The following WLS variants were observed in gnomAD, a reference collection of about 807,000 sequenced individuals.
The protein encoded by WLS is Wnt ligand secretion mediator, also known as protein wntless homolog.
In WLS, 23 loss-of-function variants were observed where a neutral mutation model predicts 62.8. The ratio of observed to expected loss-of-function variants is 0.37; its 90% CI spans 0.26 to 0.52. The LOEUF is 0.52. Among genes scored for constraint, WLS ranks in the 20% least tolerant of loss-of-function variants. The pLI, the probability that WLS is intolerant of heterozygous loss-of-function variation, is 0.92. For synonymous variants in WLS, 246 were observed against 244.1 expected (o/e 1.01, Z -0.07); for missense variants, 615 against 697.3 (o/e 0.88, Z 1.33).
chr1:68,131,775 GTAAT>G (rs1384874683), intron 11 of WLS, among the ~76,000 whole-genome samples: 4 of 152,156 alleles, frequency 2.6e-5, no homozygotes, highest in Non-Finnish European at 5.9e-5. Flanking sequence ...TCTTAAAGAA[GTAAT>G]TAAGTTAACA....
chr1:68,204,907 C>T (rs1422731375), intron 1 of WLS, among the ~76,000 whole-genome samples: 1 of 152,186 alleles, frequency 6.6e-6, no homozygotes, highest in Non-Finnish European at 1.5e-5. Flanking sequence ...AGGGGAAGGA[C>T]TACATCTTAT....
chr1:68,159,097 T>G (rs1226230220), intron 3 of WLS, 26 bp downstream of exon 3: 1 of 1,610,830 alleles, frequency 6.2e-7, no homozygotes, highest in South Asian at 1.1e-5. Flanking sequence ...ATAAAAACTG[T>G]CAGCTTAGAC....
chr1:68,193,596 C>G (rs1461708942), intron 2 of WLS, among the ~76,000 whole-genome samples: 1 of 152,000 alleles, frequency 6.6e-6, no homozygotes, highest in South Asian at 2.1e-4. Flanking sequence ...ACCCTCAAGT[C>G]ACTCCATTGG....
chr1:68,209,158 G>T (rs1348946017), intron 1 of WLS, among the ~76,000 whole-genome samples: 1 of 152,288 alleles, frequency 6.6e-6, no homozygotes, highest in South Asian at 2.1e-4. Flanking sequence ...GGGTGTGGGT[G>T]GGGGAAGTCT....
intron 1 of WLS, among the ~76,000 whole-genome samples, chr1:68,210,912 GA>G (rs1344861122): frequency 6.6e-6 from 1 of 151,998 alleles, no homozygotes; most frequent in South Asian, 2.1e-4. Flanking sequence ...AAAACAAACA[GA>G]AAAAAACCCA....
At chr1:68,165,077 C>T (rs1046228662) in intron 2 of WLS, among the ~76,000 whole-genome samples, 7 of 152,106 alleles carry the variant, frequency 4.6e-5, no homozygotes, top group East Asian at 3.9e-4. Context: ...CTACTTATAA[C>T]GCTGGGAGTA....
chr1:68,139,804 C>A (rs574785105), intron 10 of WLS, among the ~76,000 whole-genome samples: 1 of 152,170 alleles, frequency 6.6e-6, no homozygotes, highest in East Asian at 1.9e-4. Context: ...GACTCCAGGA[C>A]AAATACATGG....
intron 1 of WLS, among the ~76,000 whole-genome samples, chr1:68,203,514 G>A (rs1649136219): frequency 6.6e-6 from 1 of 152,144 alleles, no homozygotes. Flanking sequence ...TTACAGTCAG[G>A]GACAGAGTAC....
chr1:68,149,327 C>T (rs957979093), intron 6 of WLS, among the ~76,000 whole-genome samples: 6 of 152,272 alleles, frequency 3.9e-5, no homozygotes, highest in South Asian at 2.1e-4. Flanking sequence ...TCCACTCCCC[C>T]GCCCTGCTGC....
chr1:68,120,209 T>C (rs1646346722), intron 11 of WLS, among the ~76,000 whole-genome samples: 2 of 151,764 alleles, frequency 1.3e-5, no homozygotes, highest in Non-Finnish European at 2.9e-5. Flanking sequence ...GTGAAGGGGG[T>C]GGGTAGCTTC....
chr1:68,106,512 G>A (rs777921027), intron 11 of WLS, among the ~76,000 whole-genome samples: 54 of 152,194 alleles, frequency 3.5e-4, no homozygotes, highest in Non-Finnish European at 5.4e-4. Flanking sequence ...GCAACAGCTG[G>A]GAAAGTATAC....
intron 11 of WLS, among the ~76,000 whole-genome samples, chr1:68,120,171 A>G (rs906735959): frequency 6.6e-6 from 1 of 152,144 alleles, no homozygotes; most frequent in Non-Finnish European, 1.5e-5. Context: ...GCTGCTGAGG[A>G]CTTCAGAAAT....
At chr1:68,231,076 G>T (rs1650393308) in intron 1 of WLS, among the ~76,000 whole-genome samples, 1 of 152,214 alleles carries the variant, frequency 6.6e-6, no homozygotes, top group South Asian at 2.1e-4. Context: ...TCCCGTCCGC[G>T]CCCGCTGCAA....
chr1:68,188,511 G>C (rs1023692387), intron 2 of WLS, among the ~76,000 whole-genome samples: 1 of 152,170 alleles, frequency 6.6e-6, no homozygotes, highest in Non-Finnish European at 1.5e-5. Context: ...GGCTGATAAA[G>C]TAAACATCAC....
At position 68,194,198 on chromosome 1, in the gene WLS, T is replaced by A. The variant is rs368633951; in HGVS notation, c.136A>T (p.Met46Leu). 8.7e-6 allele frequency: 14 copies of A among 1,614,090 alleles called. No individual in the cohort carries two copies. In the East Asian group the frequency reaches 2.9e-4, roughly 33 times the overall value. Residue 46 changes from methionine to leucine, a missense_variant, in exon 2 of 12, where the codon ATG (methionine) becomes TTG (leucine). By Grantham distance (15) the Met-to-Leu change is conservative. Transcript: ENST00000262348. Reference protein sequence around the residue: ...APGPTTAVSYMSVKCVDARKN... With the variant: ...APGPTTAVSYLSVKCVDARKN... ...CGGGCATCCACACATTTCACCGACATGTAGGACACTGCCGTTGTGGGCCCT... is the reference window on the plus strand; with the variant it reads ...CGGGCATCCACACATTTCACCGACAAGTAGGACACTGCCGTTGTGGGCCCT...
chr1:68,103,144 G>A (rs368773467), intron 11 of WLS, among the ~76,000 whole-genome samples: 1 of 152,134 alleles, frequency 6.6e-6, no homozygotes, highest in East Asian at 1.9e-4. Flanking sequence ...TTACATGGCT[G>A]GACTTCTCTT....
chr1:68,101,058 T>G (rs1459449012), intron 11 of WLS, among the ~76,000 whole-genome samples: 1 of 152,326 alleles, frequency 6.6e-6, no homozygotes, highest in African/African-American at 2.4e-5. Flanking sequence ...TTGAAGTGCC[T>G]GCTTTTGGTG....
chr1:68,179,453 C>T (rs1647423914), intron 2 of WLS, among the ~76,000 whole-genome samples: 1 of 152,138 alleles, frequency 6.6e-6, no homozygotes, highest in African/African-American at 2.4e-5. Flanking sequence ...GGGAGACTGG[C>T]AAATCATGTA....
intron 11 of WLS, among the ~76,000 whole-genome samples, chr1:68,107,859 G>A (rs992233644): frequency 2.6e-5 from 4 of 151,968 alleles, no homozygotes; most frequent in African/African-American, 4.8e-5. Flanking sequence ...CCGGGTCTGC[G>A]GGACACACCC....
Sources: gnomAD v4.1 joint callset for allele counts (sites outside exome capture counted in the v4.1 genomes callset) on GRCh38, gnomAD v4.1.1 for gene constraint, MANE v1.5 for transcripts, NCBI Gene and HGNC (gene_info 2026-07-23, HGNC 2026-07-21) for gene names.